The following CKMT1B variants were observed in gnomAD, a reference collection of about 807,000 sequenced individuals.
CKMT1B encodes the protein creatine kinase U-type, mitochondrial.
CKMT1B carries 13 observed loss-of-function variants against 21.8 expected under a neutral mutation model. The ratio of observed to expected loss-of-function variants is 0.60; its 90% CI spans 0.39 to 0.95. The LOEUF is 0.95. CKMT1B is among the 40% of genes least tolerant of loss of function. The probability of loss-of-function intolerance (pLI) is 0.00; values close to 1 mark genes in which losing one functional copy is unlikely to be tolerated. For synonymous variants in CKMT1B, 50 were observed against 80.3 expected (o/e 0.62, Z 2.02); for missense variants, 157 against 227.5 (o/e 0.69, Z 1.99).
Position 43,597,169 on chromosome 15 carries a change from T to C in CKMT1B, c.876+638T>C, listed in dbSNP as rs576640095. Reference sequence around the variant, plus strand: ...GAAATCCCCATAAACTCAATTCAATTCTTACTGTATGTTCTCAAACATACA... The same window carrying C: ...GAAATCCCCATAAACTCAATTCAATCCTTACTGTATGTTCTCAAACATACA... On this transcript the variant is annotated intron_variant, in intron 6 of 8. Coordinates refer to ENST00000441322, the MANE Select transcript of CKMT1B (RefSeq NM_001375484.1). Among the ~76,000 whole-genome samples the C allele has an allele frequency of 5.9e-4, 82 of 138,834 alleles. 3 individuals carry two copies. The highest frequency in any genetic ancestry group is 2.4e-3 in the African/African-American group (80 of 32,756). 91.1% of individuals were successfully genotyped at this position (138,834 alleles called of 152,430 possible).
At chr15:43,597,104 A>G (rs866062578) in intron 6 of CKMT1B, among the ~76,000 whole-genome samples, 1 of 145,420 alleles carries the variant, frequency 6.9e-6, no homozygotes, top group Non-Finnish European at 1.5e-5. Flanking sequence ...TGAATCATCA[A>G]TCCTACATGG....
chr15:43,597,849 C>A lies in CKMT1B; in HGVS notation c.877-344C>A. 3.4e-6 allele frequency: 4 copies of A among 1,176,116 alleles called. No individual in the cohort carries two copies. The South Asian group carries it at 9.4e-5, about 28-fold the overall frequency. 72.9% of individuals were successfully genotyped at this position (1,176,116 alleles called of 1,614,324 possible). A position where few individuals can be genotyped will look rare whatever the true frequency, so the allele number is the denominator to read the frequency against. The stretch of plus-strand genomic sequence containing the variant: ...GGCTCATTAGCAAAGCAAAGATAAT[C>A]GATGCATGCAGACCTCATTGAATAA... On this transcript the variant is annotated intron_variant, in intron 6 of 8. Coordinates refer to ENST00000441322, the MANE Select transcript of CKMT1B (RefSeq NM_001375484.1).
chr15:43,597,978 A>G, intron 6 of CKMT1B: 1 of 1,386,952 alleles, frequency 7.2e-7, no homozygotes, highest in Non-Finnish European at 9.3e-7. Context: ...ATATTTTTTC[A>G]CAATCTCATT....
chr15:43,597,682 G>T (rs2085594457), intron 6 of CKMT1B: 1 of 996,856 alleles, frequency 1.0e-6, no homozygotes, highest in African/African-American at 1.9e-5. Flanking sequence ...CTATTCCTAT[G>T]AATCTGGCTT....
chr15:43,596,661 C>G, intron 6 of CKMT1B, 130 bp downstream of exon 6: 1 of 1,419,564 alleles, frequency 7.0e-7, no homozygotes, highest in Non-Finnish European at 9.5e-7. Flanking sequence ...ATCTAGGACT[C>G]ACTCCAGGAC....
intron 6 of CKMT1B, among the ~76,000 whole-genome samples, chr15:43,596,939 TTCTGAGA>T (rs2085579687): frequency 1.3e-5 from 2 of 148,378 alleles, no homozygotes; most frequent in East Asian, 4.2e-4. Flanking sequence ...AACCACCCAG[TTCTGAGA>T]CAAGGTAGGC....
At chr15:43,597,850 G>T (rs150988672) in intron 6 of CKMT1B, 28 of 1,174,878 alleles carry the variant, frequency 2.4e-5, no homozygotes, top group Admixed American at 4.0e-5. Context: ...AAAGATAATC[G>T]ATGCATGCAG....
intron 6 of CKMT1B, among the ~76,000 whole-genome samples, chr15:43,596,748 T>G (rs2085575944): frequency 6.7e-6 from 1 of 149,070 alleles, no homozygotes; most frequent in African/African-American, 2.5e-5. Flanking sequence ...AAAGAAAGAG[T>G]GTCAGGAATC....
chr15:43,597,986 A>C (rs1356108676), intron 6 of CKMT1B: 2 of 1,389,902 alleles, frequency 1.4e-6, no homozygotes, highest in Non-Finnish European at 1.9e-6. Flanking sequence ...TCACAATCTC[A>C]TTATTATGCA....
At chr15:43,598,435 G>T in intron 7 of CKMT1B, 108 bp downstream of exon 7, 3 of 1,536,534 alleles carry the variant, frequency 2.0e-6, no homozygotes, top group Non-Finnish European at 2.6e-6. Context: ...TGGCTAAAGG[G>T]TCAGAGGACA....
intron 6 of CKMT1B, 87 bp downstream of exon 6, chr15:43,596,618 C>T (rs751567706): frequency 8.8e-6 from 14 of 1,587,880 alleles, no homozygotes; most frequent in Non-Finnish European, 1.2e-5. Context: ...ATTTACCAAC[C>T]AACCCAGGAC....
Position 43,598,347 on chromosome 15 carries a change from A to G in CKMT1B, c.1011+20A>G. ...AGCAAAGTAAAGGAGTTGTGGGGTT[A>G]CAGAGGGGTGTGAGTAAGGAAGGGT... On this transcript the variant is annotated intron_variant, in intron 7 of 8. Transcript: ENST00000441322. 1 of 1,597,426 alleles carries G rather than the reference A, an allele frequency of 6.3e-7. No homozygotes were observed. The highest frequency in any genetic ancestry group is 8.5e-7 in the Non-Finnish European group (1 of 1,174,382).
chr15:43,598,569 A>T (rs1186833356), intron 7 of CKMT1B, among the ~76,000 whole-genome samples: 2 of 148,804 alleles, frequency 1.3e-5, no homozygotes, highest in South Asian at 2.1e-4. Flanking sequence ...TCTACTACAA[A>T]TACAAAAGTT....
In CKMT1B at chr15:43,598,283, G is replaced by A. The variant is rs780573017; in HGVS notation, c.967G>A (p.Gly323Arg). Residue 323 changes from glycine (G) to arginine (R), a missense_variant, in exon 7 of 9, where the codon GGA becomes AGA. Gly to Arg is a moderately radical substitution (Grantham distance 125). Transcript: ENST00000441322. Reference protein sequence around the residue: ...ILTCPSNLGTGLRAGVHIKLP... With the variant: ...ILTCPSNLGTRLRAGVHIKLP... ...GACCTGTCCATCTAACCTGGGCACT[G>A]GACTTCGGGCAGGAGTGCACATCAA... The A allele has an allele frequency of 1.2e-5, 19 of 1,607,570 alleles. 1 individual carries two copies. Among genetic ancestry groups the A allele is most frequent in the Non-Finnish European group, 8.5e-7 (1 of 1,179,060 alleles).
At chr15:43,597,512 T>A in intron 6 of CKMT1B, 1 of 1,243,616 alleles carries the variant, frequency 8.0e-7, no homozygotes, top group Non-Finnish European at 1.0e-6. Context: ...AGATATCCCC[T>A]ATGGCATGGT....
chr15:43,597,875 T>G, intron 6 of CKMT1B: 1 of 1,261,738 alleles, frequency 7.9e-7, no homozygotes, highest in Non-Finnish European at 1.0e-6. Context: ...CATTGAATAA[T>G]CAGTCATCTC....
At chr15:43,597,478 G>T in intron 6 of CKMT1B, 1 of 1,255,832 alleles carries the variant, frequency 8.0e-7, no homozygotes, top group Non-Finnish European at 1.0e-6. Flanking sequence ...GGATGGAAGA[G>T]TTTCCCCCCA....
rs77834292 is a variant in CKMT1B at position 43,596,654 on chromosome 15, T to C, written c.876+123T>C. On this transcript the variant is annotated intron_variant, in intron 6 of 8. Coordinates refer to ENST00000441322, the MANE Select transcript of CKMT1B (RefSeq NM_001375484.1). ...ATGTCTTATAGTAAAAAGGACTATC[T>C]AGGACTCACTCCAGGACTAAAGGTG... The C allele has an allele frequency of 2.3e-3, 3,418 of 1,475,806 alleles. 6 individuals carry two copies. In the African/African-American group the frequency reaches 0.046, roughly 20 times the overall value. The allele number at this position is 1,475,806 out of a possible 1,614,324, so 91.4% of individuals were successfully genotyped here.
At chr15:43,597,967 G>A in intron 6 of CKMT1B, 2 of 1,386,590 alleles carry the variant, frequency 1.4e-6, no homozygotes, top group Admixed American at 5.9e-5. Context: ...TTCCACATAA[G>A]ATATTTTTTC....
Sources: allele counts gnomAD v4.1 joint callset (sites outside exome capture counted in the v4.1 genomes callset), GRCh38; gene constraint gnomAD v4.1.1; transcripts MANE v1.5; gene names NCBI Gene and HGNC (gene_info 2026-07-23, HGNC 2026-07-21).